NTN1: variants seen among roughly 807,000 people sequenced by gnomAD.
NTN1 encodes the protein netrin-1.
Under a neutral mutation model 54.2 loss-of-function variants are expected in NTN1, and 11 were observed. The ratio of observed to expected loss-of-function variants is 0.20; its 90% confidence interval spans 0.13 to 0.34. NTN1 has a LOEUF of 0.34. NTN1 is among the 10% of genes least tolerant of loss of function. The probability of loss-of-function intolerance (pLI) is 1.00; values close to 1 mark genes in which losing one functional copy is unlikely to be tolerated. For synonymous variants in NTN1, 371 were observed against 382.0 expected (o/e 0.97, Z 0.33); for missense variants, 740 against 893.1 (o/e 0.83, Z 2.18).
At chr17:9,095,334 A>G in intron 2 of NTN1, among the ~76,000 whole-genome samples, 1 of 152,180 alleles carries the variant, frequency 6.6e-6, no homozygotes, top group African/African-American at 2.4e-5. Context: ...CTTTGGTGTC[A>G]TTTCAATAAG....
intron 2 of NTN1, among the ~76,000 whole-genome samples, chr17:9,115,066 G>T (rs1001962065): frequency 1.6e-5 from 2 of 124,482 alleles, no homozygotes; most frequent in Non-Finnish European, 3.8e-5. Context: ...GCGCCAGGCC[G>T]GGGGTGCAGT....
intron 6 of NTN1, among the ~76,000 whole-genome samples, chr17:9,226,810 C>T (rs1284744079): frequency 6.6e-6 from 1 of 152,108 alleles, no homozygotes; most frequent in Non-Finnish European, 1.5e-5. Context: ...GTGCTCACCA[C>T]ACAGTTGGCA....
chr17:9,143,379 G>A (rs1038411533), intron 2 of NTN1, among the ~76,000 whole-genome samples: 2 of 152,194 alleles, frequency 1.3e-5, no homozygotes, highest in South Asian at 2.1e-4. Context: ...AGCTCACGGG[G>A]GTGCATTTTG....
chr17:9,221,303 T>TG lies in NTN1; in HGVS notation c.1486+65dup. 7.4e-7 allele frequency: 1 copy of TG among 1,353,612 alleles called. No homozygotes were observed. The highest frequency in any genetic ancestry group is 1.1e-6 in the Non-Finnish European group (1 of 943,456). The allele number at this position is 1,353,612 out of a possible 1,614,324, so 83.9% of individuals were successfully genotyped here. A position where few individuals can be genotyped will look rare whatever the true frequency, so the allele number is the denominator to read the frequency against. The stretch of plus-strand genomic sequence containing the variant: ...GGGGGCCACGTGACCAGCGAGGTGC[T>TG]GGGGCTGGGGTGCAGCTGGCCCCCG... On this transcript the variant is annotated intron_variant, in intron 6 of 6. Coordinates refer to ENST00000173229, the MANE Select transcript of NTN1 (RefSeq NM_004822.3). The surrounding 1 kb of genome is among the most constrained non-coding windows in gnomAD (Gnocchi z 4.5).
intron 2 of NTN1, among the ~76,000 whole-genome samples, chr17:9,073,778 GT>G (rs2092040329): frequency 6.6e-6 from 1 of 152,216 alleles, no homozygotes; most frequent in South Asian, 2.1e-4. Context: ...GTCCCACTTG[GT>G]GGGTGCCTGG....
the NTN1 span, among the ~76,000 whole-genome samples, chr17:9,012,099 G>T: frequency 2.0e-5 from 3 of 152,278 alleles, no homozygotes; most frequent in East Asian, 5.8e-4. Context: ...GGGCCTTAAA[G>T]GTATCTAAGA....
At chr17:9,170,535 C>T (rs1415957155) in intron 3 of NTN1, among the ~76,000 whole-genome samples, 1 of 152,176 alleles carries the variant, frequency 6.6e-6, no homozygotes, top group Non-Finnish European at 1.5e-5. Context: ...GGGGTTGGCC[C>T]TAATGCTGTT....
chr17:9,073,828 G>A (rs948669268), intron 2 of NTN1, among the ~76,000 whole-genome samples: 4 of 152,348 alleles, frequency 2.6e-5, no homozygotes, highest in Non-Finnish European at 4.4e-5. Flanking sequence ...TATTCTCTTC[G>A]TCATGGGCAG....
intron 2 of NTN1, among the ~76,000 whole-genome samples, chr17:9,086,150 T>G (rs916614335): frequency 6.6e-6 from 1 of 152,154 alleles, no homozygotes; most frequent in Non-Finnish European, 1.5e-5. Context: ...TTCTTGTTGA[T>G]TGTAGCAAGT....
chr17:9,155,935 G>A (rs1204718150), intron 2 of NTN1, among the ~76,000 whole-genome samples: 1 of 152,174 alleles, frequency 6.6e-6, no homozygotes, highest in Non-Finnish European at 1.5e-5. Context: ...TCCACTGGGG[G>A]ACAAAATTGC....
rs1188479581 is a variant in NTN1, at chr17:9,242,947, T to G, written c.*2979T>G. On this transcript the variant is annotated 3_prime_UTR_variant, in exon 7 of 7. Transcript: ENST00000173229. The stretch of plus-strand genomic sequence containing the variant: ...ATGTAAAACGGAACTAGATTTTGAT[T>G]TTGAAGAGTGTATTAACCAGAATTG... 2 of 152,110 alleles carry G rather than the reference T, an allele frequency of 1.3e-5. No homozygotes were observed. The highest frequency in any genetic ancestry group is 4.8e-5 in the African/African-American group (2 of 41,362). The allele number at this position is 152,110 out of a possible 1,614,324, so 9.4% of individuals were successfully genotyped here.
intron 2 of NTN1, among the ~76,000 whole-genome samples, chr17:9,071,282 G>C (rs1346816866): frequency 6.6e-6 from 1 of 151,998 alleles, no homozygotes; most frequent in Non-Finnish European, 1.5e-5. Flanking sequence ...TTTCTTCCAT[G>C]TTTCTCAAGC....
chr17:9,096,064 T>C (rs1408502920), intron 2 of NTN1, among the ~76,000 whole-genome samples: 1 of 152,200 alleles, frequency 6.6e-6, no homozygotes, highest in Non-Finnish European at 1.5e-5. Context: ...CCCAAAATGC[T>C]GGGATTACAG....
At chr17:9,185,360 A>G (rs921800416) in intron 5 of NTN1, among the ~76,000 whole-genome samples, 1 of 152,098 alleles carries the variant, frequency 6.6e-6, no homozygotes, top group South Asian at 2.1e-4. Context: ...CCGTGTTTGA[A>G]TAGGGGAGGC....
At chr17:9,074,428 GGTGA>G (rs750018466) in intron 2 of NTN1, among the ~76,000 whole-genome samples, 6 of 152,208 alleles carry the variant, frequency 3.9e-5, no homozygotes, top group East Asian at 1.9e-4. Context: ...CCATGGAGCG[GGTGA>G]GTGAGTGTGC....
chr17:9,106,449 T>TTTCCTTCCTTCCTTCCTCCCTTCC (rs1314002479), intron 2 of NTN1, among the ~76,000 whole-genome samples: 2 of 149,350 alleles, frequency 1.3e-5, no homozygotes, highest in Non-Finnish European at 3.0e-5. Context: ...CAAAATGGCA[T>TTTCCTTCCTTCCTTCCTCCCTTCC]TTCCTTCCTT....
At chr17:9,201,293 TCCTCCTGGGCTTACA>T (rs1373702432) in intron 5 of NTN1, among the ~76,000 whole-genome samples, 3 of 152,178 alleles carry the variant, frequency 2.0e-5, no homozygotes, top group African/African-American at 4.8e-5. Flanking sequence ...CTCTGTGCTC[TCCTCCTGGGCTTACA>T]GAGCTCATCT....
intron 2 of NTN1, among the ~76,000 whole-genome samples, chr17:9,140,470 T>A (rs932022588): frequency 6.6e-6 from 1 of 151,912 alleles, no homozygotes; most frequent in Non-Finnish European, 1.5e-5. Flanking sequence ...TTCCCCAGAG[T>A]GAAAGCAGTG....
At position 9,212,430 on chromosome 17, in the gene NTN1, C is replaced by T. The variant is rs1044040169; in HGVS notation, c.1412-8738C>T. 6.6e-6 allele frequency among the ~76,000 whole-genome samples: 1 copy of T among 152,166 alleles called. No individual in the cohort carries two copies. Among genetic ancestry groups the T allele is most frequent in the Non-Finnish European group, 1.5e-5 (1 of 68,038 alleles). ...CACATGGAAATCTGGACTCTCTGGC[C>T]GCGGAGATTCCATGCAGCTTTCTGG... On this transcript the variant is annotated intron_variant, in intron 5 of 6. Transcript: ENST00000173229. The surrounding 1 kb of genome is among the most constrained non-coding windows in gnomAD (Gnocchi z 5.5).
Sources: allele counts gnomAD v4.1 joint callset (sites outside exome capture counted in the v4.1 genomes callset), GRCh38; gene constraint gnomAD v4.1.1; non-coding constraint Gnocchi (gnomAD v3.1); transcripts MANE v1.5; gene names NCBI Gene and HGNC (gene_info 2026-07-23, HGNC 2026-07-21).